Variants in NR3C2 observed in about 807,000 individuals in gnomAD.
NR3C2 encodes mineralocorticoid receptor.
NR3C2 carries 15 observed loss-of-function variants against 86.4 expected under a neutral mutation model. The observed-to-expected ratio is 0.17, with a 90% CI of 0.12 to 0.27. NR3C2 has a LOEUF of 0.27. Among genes scored for constraint, NR3C2 ranks in the 10% least tolerant of loss-of-function variants. NR3C2 has a pLI of 1.00. For synonymous variants in NR3C2, 458 were observed against 450.5 expected, an observed-to-expected ratio of 1.02 and a Z score of -0.21; for missense variants, 960 against 1,195.6, an observed-to-expected ratio of 0.80 and a Z score of 2.91.
chr4:148,101,273 T>C (rs1373817863), intron 8 of NR3C2, among the ~76,000 whole-genome samples: 1 of 152,246 alleles, frequency 6.6e-6, no homozygotes, highest in African/African-American at 2.4e-5. Flanking sequence ...TGCCTGGCTG[T>C]TGACCAACTG....
chr4:148,323,006 G>C (rs1333543756), intron 2 of NR3C2, among the ~76,000 whole-genome samples: 1 of 150,082 alleles, frequency 6.7e-6, no homozygotes, highest in Admixed American at 6.7e-5. Flanking sequence ...CCAACTTTGT[G>C]GTTTTATCTA....
chr4:148,372,994 T>A (rs1746494306), intron 2 of NR3C2, among the ~76,000 whole-genome samples: 1 of 152,218 alleles, frequency 6.6e-6, no homozygotes, highest in Non-Finnish European at 1.5e-5. Context: ...AAAGTAGATA[T>A]CTTTGAGAAG....
chr4:148,209,495 A>G (rs1047667463), intron 3 of NR3C2, among the ~76,000 whole-genome samples: 6 of 152,052 alleles, frequency 3.9e-5, no homozygotes, highest in African/African-American at 1.2e-4. Flanking sequence ...ACAGGGTCTG[A>G]CTATCGTGCA....
At chr4:148,419,907 A>G (rs888009574) in intron 2 of NR3C2, among the ~76,000 whole-genome samples, 1 of 152,158 alleles carries the variant, frequency 6.6e-6, no homozygotes, top group African/African-American at 2.4e-5. Flanking sequence ...ACCTATTTAA[A>G]TAGGGAATAA....
chr4:148,097,863 A>G (rs1578878696), intron 8 of NR3C2, among the ~76,000 whole-genome samples: 1 of 149,924 alleles, frequency 6.7e-6, no homozygotes, highest in East Asian at 2.0e-4. Context: ...AAGACTGGAC[A>G]CCCCTGGCTT....
chr4:148,349,260 C>T (rs1288648931), intron 2 of NR3C2, among the ~76,000 whole-genome samples: 1 of 152,082 alleles, frequency 6.6e-6, no homozygotes, highest in Non-Finnish European at 1.5e-5. Context: ...TGAGTCTTCA[C>T]ATTTCTGGTA....
At chr4:148,209,283 T>C (rs191123556) in intron 3 of NR3C2, among the ~76,000 whole-genome samples, 2 of 152,064 alleles carry the variant, frequency 1.3e-5, no homozygotes, top group East Asian at 1.9e-4. Flanking sequence ...AAATGCTTTA[T>C]GCAACAGGGT....
intron 3 of NR3C2, among the ~76,000 whole-genome samples, chr4:148,219,007 T>A (rs1579027791): frequency 1.3e-5 from 2 of 152,170 alleles, no homozygotes; most frequent in East Asian, 3.8e-4. Flanking sequence ...TTAGGTTAAG[T>A]GTATGTTTAA....
At chr4:148,189,013 C>T (rs554038361) in intron 4 of NR3C2, among the ~76,000 whole-genome samples, 3 of 151,230 alleles carry the variant, frequency 2.0e-5, no homozygotes, top group East Asian at 1.9e-4. Flanking sequence ...TTGCAACCTC[C>T]GCCTCCTGGG....
chr4:148,086,619 G>A (rs766898340), intron 8 of NR3C2, among the ~76,000 whole-genome samples: 7 of 152,154 alleles, frequency 4.6e-5, no homozygotes, highest in Non-Finnish European at 1.0e-4. Flanking sequence ...GCATACACCT[G>A]CAATCCCAGC....
chr4:148,315,564 T>G (rs184257367), intron 2 of NR3C2, among the ~76,000 whole-genome samples: 51 of 152,340 alleles, frequency 3.3e-4, no homozygotes, highest in Non-Finnish European at 8.8e-5. Flanking sequence ...CTCTGCAAAT[T>G]AGTTTTTTTA....
intron 3 of NR3C2, among the ~76,000 whole-genome samples, chr4:148,226,283 G>A (rs548018971): frequency 4.6e-5 from 7 of 152,088 alleles, no homozygotes; most frequent in Admixed American, 2.0e-4. Flanking sequence ...GCCAATCCCC[G>A]CCCACCACTA....
At chr4:148,370,474 CAT>C (rs1350884782) in intron 2 of NR3C2, among the ~76,000 whole-genome samples, 2 of 152,178 alleles carry the variant, frequency 1.3e-5, no homozygotes, top group Middle Eastern at 3.4e-3. Context: ...TTAGATGAAA[CAT>C]ATAATTAGCC....
At chr4:148,262,880 T>C (rs928826378) in intron 2 of NR3C2, among the ~76,000 whole-genome samples, 1 of 152,174 alleles carries the variant, frequency 6.6e-6, no homozygotes, top group African/African-American at 2.4e-5. Context: ...TGTTAAATTT[T>C]ATTCGTTTTA....
At chr4:148,172,992 A>G (rs1735204340) in intron 4 of NR3C2, among the ~76,000 whole-genome samples, 1 of 152,244 alleles carries the variant, frequency 6.6e-6, no homozygotes, top group Non-Finnish European at 1.5e-5. Context: ...TCTGAGGAGT[A>G]CACTTAACCT....
chr4:148,166,433 C>T (rs1734881127), intron 4 of NR3C2, among the ~76,000 whole-genome samples: 1 of 152,212 alleles, frequency 6.6e-6, no homozygotes, highest in African/African-American at 2.4e-5. Context: ...GCTCTGTTTA[C>T]AGGACTAACT....
intron 2 of NR3C2, among the ~76,000 whole-genome samples, chr4:148,359,660 G>A (rs1342213571): frequency 1.3e-5 from 2 of 152,296 alleles, no homozygotes; most frequent in East Asian, 3.9e-4. Context: ...AAATCTAAGA[G>A]TCACCTCCCA....
chr4:148,134,641 CTCTTTTTTTTTTT>C (rs1248472976), intron 6 of NR3C2, among the ~76,000 whole-genome samples: 1 of 60,998 alleles, frequency 1.6e-5, no homozygotes, highest in Non-Finnish European at 3.4e-5. Context: ...CTCTCTCTCT[CTCTTTTTTTTTTT>C]TTTTTTTTTT....
At chr4:148,326,733 A>G (rs939397567) in intron 2 of NR3C2, among the ~76,000 whole-genome samples, 8 of 152,170 alleles carry the variant, frequency 5.3e-5, no homozygotes, top group Non-Finnish European at 1.0e-4. Context: ...CAAGGACGAC[A>G]GAGTTAACCT....
Sources: gnomAD v4.1 joint callset for allele counts (sites outside exome capture counted in the v4.1 genomes callset) on GRCh38, gnomAD v4.1.1 for gene constraint, MANE v1.5 for transcripts, NCBI Gene and HGNC (gene_info 2026-07-23, HGNC 2026-07-21) for gene names.